SIDT1: variants seen among roughly 807,000 people sequenced by gnomAD.
The protein encoded by SIDT1 is SID1 transmembrane family member 1.
Under a neutral mutation model 107.5 loss-of-function variants are expected in SIDT1, and 101 were observed. That is an observed-to-expected ratio of 0.94 (90% CI 0.80 to 1.11). SIDT1 has a LOEUF of 1.11. Among genes scored for constraint, SIDT1 ranks in the 50% least tolerant of loss-of-function variants. The probability of loss-of-function intolerance (pLI) is 0.00; values close to 1 mark genes in which losing one functional copy is unlikely to be tolerated. For synonymous variants in SIDT1, 395 were observed against 398.2 expected (o/e 0.99, Z 0.10); for missense variants, 1,076 against 1,058.2 (o/e 1.02, Z -0.23).
At chr3:113,611,909 CCTT>C (rs933281802) in intron 18 of SIDT1, among the ~76,000 whole-genome samples, 174 bp from the exon 19 acceptor site, 5 of 121,584 alleles carry the variant, frequency 4.1e-5, no homozygotes, top group Non-Finnish European at 1.7e-5. Context: ...GGCCCAGTAG[CCTT>C]TTTTTTTTTT....
chr3:113,566,634 T>C, intron 2 of SIDT1, 93 bp downstream of exon 2: 9 of 1,417,832 alleles, frequency 6.3e-6, no homozygotes, highest in Non-Finnish European at 8.7e-6. Flanking sequence ...AAAGGAAAAA[T>C]CAGACATTTG....
intron 1 of SIDT1, among the ~76,000 whole-genome samples, chr3:113,562,467 A>T (rs1350556607): frequency 2.0e-5 from 3 of 152,236 alleles, no homozygotes; most frequent in Non-Finnish European, 4.4e-5. Context: ...AAAACAACCC[A>T]AATGTCCATC....
intron 1 of SIDT1, among the ~76,000 whole-genome samples, chr3:113,561,840 A>G (rs1342990972): frequency 6.6e-6 from 1 of 152,224 alleles, no homozygotes; most frequent in African/African-American, 2.4e-5. Context: ...AGATGGAAGG[A>G]AATCCCATCT....
At chr3:113,623,331 C>A (rs1335612711) in intron 21 of SIDT1, 96 bp from the exon 22 acceptor site, 21 of 635,044 alleles carry the variant, frequency 3.3e-5, no homozygotes, top group East Asian at 5.7e-5. Context: ...AAAAAAAGAA[C>A]CTGCCCCTTC....
chr3:113,561,443 A>T (rs912361149), intron 1 of SIDT1, among the ~76,000 whole-genome samples: 1 of 152,234 alleles, frequency 6.6e-6, no homozygotes, highest in African/African-American at 2.4e-5. Flanking sequence ...TAAAATGAGG[A>T]TGTGGAGATG....
Position 113,593,190 on chromosome 3 carries a change from G to A in SIDT1, c.1045+142G>A, listed in dbSNP as rs199706116. ...ATCCCGCAGAGTAGTCTAGCCTGCA[G>A]TTGGAAAGCAAAGCTAGTGAAAACC... On this transcript the variant is annotated intron_variant, in intron 10 of 24. Coordinates refer to ENST00000264852, the MANE Select transcript of SIDT1 (RefSeq NM_017699.3). The A allele has an allele frequency of 3.6e-4, 282 of 775,002 alleles. 1 individual carries two copies. The East Asian group carries it at 6.6e-3, about 18-fold the overall frequency. 48.0% of individuals were successfully genotyped at this position (775,002 alleles called of 1,614,324 possible). A position where few individuals can be genotyped will look rare whatever the true frequency, so the allele number is the denominator to read the frequency against.
intron 1 of SIDT1, among the ~76,000 whole-genome samples, chr3:113,551,825 G>A (rs544219646): frequency 4.7e-5 from 3 of 63,764 alleles, no homozygotes; most frequent in African/African-American, 8.3e-5. Context: ...AGTTTTAGGG[G>A]TGTGTGTGTG....
intron 1 of SIDT1, among the ~76,000 whole-genome samples, chr3:113,550,978 T>C (rs1043351800): frequency 6.6e-6 from 1 of 152,154 alleles, no homozygotes; most frequent in African/African-American, 2.4e-5. Context: ...TGTGTTCTCA[T>C]CATTTAGATT....
At chr3:113,538,650 A>G (rs1256978461) in intron 1 of SIDT1, among the ~76,000 whole-genome samples, 1 of 152,264 alleles carries the variant, frequency 6.6e-6, no homozygotes, top group Non-Finnish European at 1.5e-5. Flanking sequence ...GAAAATTTTC[A>G]AACACACATG....
intron 1 of SIDT1, among the ~76,000 whole-genome samples, chr3:113,558,518 A>T (rs1323963256): frequency 1.3e-5 from 2 of 152,238 alleles, no homozygotes; most frequent in African/African-American, 4.8e-5. Context: ...CTCAGAAAGC[A>T]AACAATGTCT....
rs747568614 is a variant in SIDT1 at position 113,585,242 on chromosome 3, C to T, written c.973C>T (p.Leu325Phe). Residue 325 changes from leucine (L) to phenylalanine (F), a missense_variant, in exon 9 of 25, where the codon CTT becomes TTT. Leu to Phe is a conservative substitution (Grantham distance 22, BLOSUM62 0). Coordinates refer to ENST00000264852, the MANE Select transcript of SIDT1 (RefSeq NM_017699.3). ...FIFLSFYLGC[L>F]LVGFVHYLRF... ...CTTCCTGTCCTTCTACTTGGGATGC[C>T]TTCTTGTTGGGTTTGTTCATTATCT... 9.9e-6 allele frequency: 16 copies of T among 1,613,260 alleles called. No homozygotes were observed. Among genetic ancestry groups the T allele is most frequent in the Middle Eastern group, 1.6e-4 (1 of 6,062 alleles).
At chr3:113,596,465 A>C (rs973230625) in intron 10 of SIDT1, among the ~76,000 whole-genome samples, 2 of 152,204 alleles carry the variant, frequency 1.3e-5, no homozygotes, top group Non-Finnish European at 2.9e-5. Flanking sequence ...TCATGGGATG[A>C]AGAAGAAGAT....
intron 21 of SIDT1, among the ~76,000 whole-genome samples, chr3:113,623,185 C>T (rs1191458321): frequency 1.0e-5 from 1 of 99,610 alleles, no homozygotes; most frequent in Admixed American, 1.2e-4. Flanking sequence ...AATGAGACCC[C>T]AACTCTTAAA....
At chr3:113,599,295 C>G (rs909590370) in intron 10 of SIDT1, among the ~76,000 whole-genome samples, 3 of 152,338 alleles carry the variant, frequency 2.0e-5, no homozygotes, top group Non-Finnish European at 4.4e-5. Context: ...CAGGATGACC[C>G]ACGCCAGTGG....
intron 1 of SIDT1, among the ~76,000 whole-genome samples, chr3:113,536,491 C>A (rs758414423): frequency 3.3e-5 from 5 of 152,208 alleles, no homozygotes; most frequent in Non-Finnish European, 7.3e-5. Context: ...CCTCTTTCTT[C>A]AAGCCATTGT....
downstream of SIDT1, among the ~76,000 whole-genome samples, chr3:113,632,444 C>G (rs963593263): frequency 2.6e-5 from 4 of 152,180 alleles, no homozygotes; most frequent in Non-Finnish European, 4.4e-5. Context: ...ACAAGGCACC[C>G]TGGTACTAGG....
intron 10 of SIDT1, among the ~76,000 whole-genome samples, chr3:113,597,460 G>A (rs1944647664): frequency 7.4e-6 from 1 of 135,996 alleles, no homozygotes; most frequent in Non-Finnish European, 1.5e-5. Context: ...TCATGCCACT[G>A]CACTCCAGCC....
Position 113,567,659 on chromosome 3 carries a change from T to C in SIDT1, c.464T>C (p.Leu155Pro). The change falls in exon 3 of 25, where the codon CTG (leucine) becomes CCG (proline). Residue 155 changes from leucine to proline, a missense_variant. Leu to Pro is a moderately conservative substitution (Grantham distance 98). Transcript: ENST00000264852. ...IFVDVASMAPLGAQYKLLVTK... is the reference protein window; with the variant it reads ...IFVDVASMAPPGAQYKLLVTK... Reference sequence around the variant, plus strand: ...GTAGATGTCGCATCCATGGCACCCCTGGGTGCTCAGTACAAACTGCTAGTT... The same window carrying C: ...GTAGATGTCGCATCCATGGCACCCCCGGGTGCTCAGTACAAACTGCTAGTT... 6.2e-7 allele frequency: 1 copy of C among 1,614,170 alleles called. No individual in the cohort carries two copies. Among genetic ancestry groups the C allele is most frequent in the Non-Finnish European group, 8.5e-7 (1 of 1,179,998 alleles).
At position 113,609,156 on chromosome 3, in the gene SIDT1, G is replaced by T. The variant is rs1945560832; in HGVS notation, c.1720+620G>T. Among the ~76,000 whole-genome samples the T allele has an allele frequency of 2.0e-5, 3 of 150,330 alleles. 1 individual carries two copies. The highest frequency in any genetic ancestry group is 4.4e-5 in the Non-Finnish European group (3 of 67,768). On this transcript the variant is annotated intron_variant, in intron 17 of 24. Transcript: ENST00000264852. ...GAGCTCACTGCAATCTCTGCCTCAG[G>T]GGTTCAAGTGATCCTCATCCCTCAG...
Sources: gnomAD v4.1 joint callset for allele counts (sites outside exome capture counted in the v4.1 genomes callset) on GRCh38, gnomAD v4.1.1 for gene constraint, MANE v1.5 for transcripts, NCBI Gene and HGNC (gene_info 2026-07-23, HGNC 2026-07-21) for gene names.